The following TDRD5 variants were observed in gnomAD, a reference collection of about 807,000 sequenced individuals.
TDRD5 encodes the protein tudor domain-containing protein 5.
In TDRD5, 41 loss-of-function variants were observed where a neutral mutation model predicts 120.6. The observed-to-expected ratio is 0.34, with a 90% CI of 0.26 to 0.44. The LOEUF (loss-of-function observed/expected upper bound fraction) is 0.44, where lower values mean the gene tolerates loss of function less well. Among genes scored for constraint, TDRD5 ranks in the 20% least tolerant of loss-of-function variants. The pLI is 1.00. For synonymous variants in TDRD5, 430 were observed against 433.7 expected (o/e 0.99, Z 0.11); for missense variants, 1,006 against 1,221.2 (o/e 0.82, Z 2.63).
At chr1:179,602,485 T>C (rs539761672) in intron 4 of TDRD5, among the ~76,000 whole-genome samples, 4 of 152,358 alleles carry the variant, frequency 2.6e-5, no homozygotes, top group Admixed American at 2.6e-4. Flanking sequence ...TCCAATGTTA[T>C]CTTCTAGAAT....
At chr1:179,659,311 C>T (rs569357962) in intron 14 of TDRD5, among the ~76,000 whole-genome samples, 1 of 152,272 alleles carries the variant, frequency 6.6e-6, no homozygotes, top group Non-Finnish European at 1.5e-5. Flanking sequence ...TTGTTGATTA[C>T]TGAGAAGAAC....
At chr1:179,661,680 C>T (rs934105520) in intron 14 of TDRD5, among the ~76,000 whole-genome samples, 1 of 152,166 alleles carries the variant, frequency 6.6e-6, no homozygotes, top group Non-Finnish European at 1.5e-5. Flanking sequence ...GTCCTGCTTA[C>T]ACAGACTTTC....
At chr1:179,651,597 T>A (rs917845178) in intron 12 of TDRD5, among the ~76,000 whole-genome samples, 1 of 152,236 alleles carries the variant, frequency 6.6e-6, no homozygotes. Flanking sequence ...CTGTCAATAA[T>A]GGACACATTT....
chr1:179,658,572 A>C (rs768551136), intron 14 of TDRD5, among the ~76,000 whole-genome samples: 1 of 152,166 alleles, frequency 6.6e-6, no homozygotes, highest in South Asian at 2.1e-4. Flanking sequence ...TATGTATAAC[A>C]TTGTTTATAG....
Position 179,650,878 on chromosome 1 carries a change from A to G in TDRD5, c.1812A>G (p.Thr604=). ...TGATCATATTTCAGGAACACTGGAC[A>G]TCGAAAGCTATTTTGCAGTTCCAGA... ...AWVRPVEEHW[T]SKAILQFQKL... is the part of the protein sequence containing the mutation. Residue 604 remains threonine (T), a synonymous_variant, in exon 12 of 18, where the codon ACA becomes ACG. Coordinates refer to ENST00000444136, the MANE Select transcript of TDRD5 (RefSeq NM_001199085.3). The G allele has an allele frequency of 6.2e-6, 10 of 1,614,142 alleles. No individual in the cohort carries two copies. The highest frequency in any genetic ancestry group is 8.5e-6 in the Non-Finnish European group (10 of 1,179,998).
intron 4 of TDRD5, among the ~76,000 whole-genome samples, chr1:179,596,030 A>G (rs1018446771): frequency 6.6e-6 from 1 of 152,132 alleles, no homozygotes; most frequent in African/African-American, 2.4e-5. Context: ...CACAGTTTCC[A>G]CTATTTTCTG....
chr1:179,682,637 C>T (rs745658207), intron 17 of TDRD5, among the ~76,000 whole-genome samples: 3 of 151,642 alleles, frequency 2.0e-5, no homozygotes, highest in Non-Finnish European at 4.4e-5. Context: ...TTCCCTTTCT[C>T]CTTTTCTTCC....
At chr1:179,634,170 C>CA (rs34143534) in intron 7 of TDRD5, among the ~76,000 whole-genome samples, 53,868 of 143,580 alleles carry the variant, frequency 0.38, 10,730 homozygotes, top group Admixed American at 0.43. Flanking sequence ...GACTTCATCT[C>CA]AAAAAACAAA....
intron 11 of TDRD5, among the ~76,000 whole-genome samples, chr1:179,648,830 T>C (rs1678554051): frequency 6.6e-6 from 1 of 152,196 alleles, no homozygotes; most frequent in Admixed American, 6.5e-5. Flanking sequence ...TTCTCTGCTC[T>C]TCATTCTTCA....
chr1:179,655,694 A>G (rs552948101), intron 14 of TDRD5, among the ~76,000 whole-genome samples: 6 of 152,334 alleles, frequency 3.9e-5, no homozygotes, highest in Admixed American at 2.6e-4. Context: ...TCATGTAAGT[A>G]GAATCATATA....
chr1:179,660,411 G>A (rs1388653701), intron 14 of TDRD5, among the ~76,000 whole-genome samples: 1 of 151,226 alleles, frequency 6.6e-6, no homozygotes, highest in Non-Finnish European at 1.5e-5. Flanking sequence ...CAGTAGAGAC[G>A]GGGTTTCACC....
rs532330648 is a variant in TDRD5, at chr1:179,631,056, G to T, written c.1126+136G>T. ...TTCTGGTGGTATTTGTTGTAATAAG[G>T]TTAATCTGTATTGTTAATAAAAATA... On this transcript the variant is annotated intron_variant, in intron 7 of 17. Transcript: ENST00000444136. The T allele has an allele frequency of 9.4e-6, 9 of 953,082 alleles. No individual in the cohort carries two copies. In the East Asian group the frequency reaches 1.8e-4, roughly 19 times the overall value. The allele number at this position is 953,082 out of a possible 1,614,324, so 59.0% of individuals were successfully genotyped here. A position where few individuals can be genotyped will look rare whatever the true frequency, so the allele number is the denominator to read the frequency against.
chr1:179,630,641 C>T, intron 6 of TDRD5, 126 bp from the exon 7 acceptor site: 1 of 941,016 alleles, frequency 1.1e-6, no homozygotes, highest in Non-Finnish European at 1.5e-6. Context: ...GGAAGTGAGC[C>T]TTTACTCTGT....
chr1:179,675,585 G>T (rs894972365), intron 17 of TDRD5, among the ~76,000 whole-genome samples: 41 of 152,184 alleles, frequency 2.7e-4, no homozygotes, highest in South Asian at 1.0e-3. Context: ...GGCCCTCAAA[G>T]AATTTTTAAA....
intron 4 of TDRD5, among the ~76,000 whole-genome samples, chr1:179,617,557 T>G (rs1023229077): frequency 6.6e-6 from 1 of 152,110 alleles, no homozygotes; most frequent in African/African-American, 2.4e-5. Flanking sequence ...AAAGTATTAA[T>G]AGTGATTGTG....
chr1:179,635,700 G>A lies in TDRD5; in HGVS notation c.1333G>A (p.Ala445Thr), dbSNP rs745715035. 1.2e-6 allele frequency: 2 copies of A among 1,613,912 alleles called. No individual in the cohort carries two copies. Among genetic ancestry groups the A allele is most frequent in the South Asian group, 1.1e-5 (1 of 91,064 alleles). Reference sequence around the variant, plus strand: ...AACAAACAAATCAGAGCTCAACTTGGCAATGGCAAATCATGACATCCCGCC... The same window carrying A: ...AACAAACAAATCAGAGCTCAACTTGACAATGGCAAATCATGACATCCCGCC... ...VETNKSELNL[A>T]MANHDIPPDA... Residue 445 changes from alanine (A) to threonine (T), a missense_variant, in exon 9 of 18, where the codon GCA becomes ACA. Coordinates refer to ENST00000444136, the MANE Select transcript of TDRD5 (RefSeq NM_001199085.3).
intron 11 of TDRD5, among the ~76,000 whole-genome samples, chr1:179,649,904 A>G (rs1312946994): frequency 3.9e-5 from 6 of 152,180 alleles, no homozygotes; most frequent in Non-Finnish European, 7.3e-5. Flanking sequence ...CCAGTCTGGG[A>G]CCATATTAAT....
In TDRD5 at chr1:179,595,728, A is replaced by G. The variant is rs1675356000; in HGVS notation, c.741A>G (p.Glu247=). The change falls in exon 4 of 18, where the codon GAA becomes GAG. Residue 247 remains glutamate, a synonymous_variant. Transcript: ENST00000444136. ...PCFSQPTSNM[E]PPKQIMSMEK... ...TTTCACAACCCACTTCAAACATGGA[A>G]CCACCGAAGCAAATAATGAGCATGG... 8 of 1,613,754 alleles carry G rather than the reference A, an allele frequency of 5.0e-6. No individual in the cohort carries two copies. The highest frequency in any genetic ancestry group is 6.8e-6 in the Non-Finnish European group (8 of 1,179,836).
intron 16 of TDRD5, among the ~76,000 whole-genome samples, chr1:179,668,124 T>C (rs191851239): frequency 5.7e-4 from 87 of 152,340 alleles, no homozygotes; most frequent in African/African-American, 1.6e-3. Flanking sequence ...ACTTCAGCAA[T>C]GACTATATGG....
Sources: gnomAD v4.1 joint callset for allele counts (sites outside exome capture counted in the v4.1 genomes callset) on GRCh38, gnomAD v4.1.1 for gene constraint, MANE v1.5 for transcripts, NCBI Gene and HGNC (gene_info 2026-07-23, HGNC 2026-07-21) for gene names.